MCM7: variants seen among roughly 807,000 people sequenced by gnomAD.
The protein encoded by MCM7 is minichromosome maintenance complex component 7, also known as DNA replication licensing factor MCM7.
Under a neutral mutation model 83.5 loss-of-function variants are expected in MCM7, and 95 were observed. That is an observed-to-expected ratio of 1.14 (90% CI 0.96 to 1.35). The LOEUF (loss-of-function observed/expected upper bound fraction) is 1.35, where lower values mean the gene tolerates loss of function less well. Ranked by LOEUF, MCM7 falls within the 40% of genes most tolerant of loss-of-function variation. The pLI is 0.00. For missense variants in MCM7, 1,087 were observed against 957.4 expected (o/e 1.14, Z -1.79); for synonymous variants, 461 against 352.7 (o/e 1.31, Z -3.44).
chr7:100,093,519 C>T (rs968451489), intron 13 of MCM7, 118 bp from the exon 14 acceptor site: 2 of 918,444 alleles, frequency 2.2e-6, no homozygotes, highest in African/African-American at 3.3e-5. Flanking sequence ...ACTCACAAAA[C>T]AGGAGTGGAA....
At chr7:100,094,384 G>A in intron 12 of MCM7, 43 bp from the exon 13 acceptor site, 1 of 1,609,950 alleles carries the variant, frequency 6.2e-7, no homozygotes, top group South Asian at 1.1e-5. Context: ...GGGAGATGGG[G>A]AAGGGAGTGA....
At chr7:100,099,969 T>G in intron 2 of MCM7, 45 bp downstream of exon 2, 2 of 1,556,264 alleles carry the variant, frequency 1.3e-6, no homozygotes, top group South Asian at 1.1e-5. Context: ...TTATGGCTCC[T>G]TAAGCACCCC....
At chr7:100,099,801 C>T in intron 2 of MCM7, 48 bp from the exon 3 acceptor site, 5 of 1,605,574 alleles carry the variant, frequency 3.1e-6, no homozygotes, top group Non-Finnish European at 4.3e-6. Context: ...ATTCACTTTG[C>T]TCACCAGTGT....
intron 2 of MCM7, 57 bp downstream of exon 2, chr7:100,099,957 G>T (rs1228698615): frequency 1.3e-6 from 2 of 1,516,334 alleles, no homozygotes; most frequent in South Asian, 1.1e-5. Context: ...CCAAGCTGCT[G>T]CTTATGGCTC....
chr7:100,099,483 GTGCCC>G, intron 3 of MCM7, 80 bp from the exon 4 acceptor site: 1 of 1,577,840 alleles, frequency 6.3e-7, no homozygotes, highest in Non-Finnish European at 8.6e-7. Context: ...CCAGGCAGAA[GTGCCC>G]CTCCTTTCTG....
rs1238959231 is a variant in MCM7 at position 100,097,353 on chromosome 7, A to G, written c.1149T>C (p.Pro383=). 2 of 1,614,170 alleles carry G rather than the reference A, an allele frequency of 1.2e-6. No individual in the cohort carries two copies. Among genetic ancestry groups the G allele is most frequent in the Non-Finnish European group, 1.7e-6 (2 of 1,180,024 alleles). ...ACAGGAGCTGAGACTTGGCCACACC[A>G]GGATCCCCCATCAGACAGATGTTGA... ...GNINICLMGD[P]GVAKSQLLSY... Residue 383 remains proline, a synonymous_variant, in exon 10 of 15, where the codon CCT becomes CCC. Transcript: ENST00000303887.
At chr7:100,097,438 C>A in intron 9 of MCM7, 54 bp from the exon 10 acceptor site, 6 of 1,600,014 alleles carry the variant, frequency 3.7e-6, no homozygotes, top group South Asian at 1.1e-5. Context: ...GCTTGGCCAA[C>A]AACAGAGCAA....
At chr7:100,093,512 C>G (rs767471812) in intron 13 of MCM7, 111 bp from the exon 14 acceptor site, 7 of 968,384 alleles carry the variant, frequency 7.2e-6, no homozygotes, top group African/African-American at 3.2e-5. Flanking sequence ...GTCGCCTACT[C>G]ACAAAACAGG....
At chr7:100,094,106 G>T in intron 13 of MCM7, 67 bp downstream of exon 13, 2 of 1,600,324 alleles carry the variant, frequency 1.2e-6, no homozygotes, top group South Asian at 2.2e-5. Flanking sequence ...GCGGCAATGA[G>T]AGCACGGTAA....
intron 10 of MCM7, among the ~76,000 whole-genome samples, chr7:100,096,478 CTT>C (rs372744292): frequency 1.3e-5 from 2 of 152,284 alleles, no homozygotes; most frequent in African/African-American, 4.8e-5. Context: ...ATTTTTAAAA[CTT>C]TTTAGTAGAG....
intron 13 of MCM7, chr7:100,093,943 A>C: frequency 1.4e-6 from 1 of 712,540 alleles, no homozygotes; most frequent in Non-Finnish European, 2.6e-6. Context: ...CTCTCAGTGA[A>C]GGTTAAGAAG....
intron 5 of MCM7, 94 bp from the exon 6 acceptor site, chr7:100,098,809 C>T: frequency 6.5e-7 from 1 of 1,527,252 alleles, no homozygotes. Flanking sequence ...TCATGGCAGA[C>T]ATCTTGTAAG....
intron 14 of MCM7, 49 bp downstream of exon 14, chr7:100,093,243 G>C (rs1321591181): frequency 3.8e-6 from 6 of 1,595,690 alleles, no homozygotes; most frequent in Non-Finnish European, 5.1e-6. Flanking sequence ...CAGACACATG[G>C]CCACAGAAGA....
Position 100,101,376 on chromosome 7 carries a change from C to G in MCM7, c.-82G>C. 1 of 1,584,786 alleles carries G rather than the reference C, an allele frequency of 6.3e-7. No homozygotes were observed. Among genetic ancestry groups the G allele is most frequent in the Non-Finnish European group, 8.6e-7 (1 of 1,160,492 alleles). On this transcript the variant is annotated 5_prime_UTR_variant, in exon 1 of 15. Transcript: ENST00000303887. ...AAGCTGAGAATCTCCGCGCGGTGGA[C>G]TGTGGCCGGCCAACCGAAATTGGCG...
rs963507478 is a variant in MCM7, at chr7:100,095,469, A to G, written c.1597T>C (p.Leu533=). ...TGCACATAGGTGATGTGCTGGGCCA[A>G]CCTGGACAGAGGGAAGGTTAGAAGG... ...DRPDRDNDLR[L]AQHITYVHQH... Residue 533 remains leucine (L), a splice_region_variant and synonymous_variant, in exon 12 of 15, where the codon TTG becomes CTG. Coordinates refer to ENST00000303887, the MANE Select transcript of MCM7 (RefSeq NM_005916.5). 2 of 1,613,894 alleles carry G rather than the reference A, an allele frequency of 1.2e-6. No homozygotes were observed. Among genetic ancestry groups the G allele is most frequent in the South Asian group, 1.1e-5 (1 of 91,028 alleles).
Position 100,097,815 on chromosome 7 carries a change from T to C in MCM7, c.985+19A>G. 4 of 1,614,034 alleles carry C rather than the reference T, an allele frequency of 2.5e-6. 1 individual carries two copies. In the South Asian group the frequency reaches 4.4e-5, roughly 18 times the overall value. Reference sequence around the variant, plus strand: ...GCTAGGATGTAAACGGAATTTCCTCTCTCTCCCCTGCCCCTCACCTGCAAT... The same window carrying C: ...GCTAGGATGTAAACGGAATTTCCTCCCTCTCCCCTGCCCCTCACCTGCAAT... On this transcript the variant is annotated intron_variant, in intron 8 of 14. Transcript: ENST00000303887.
chr7:100,098,656 G>C lies in MCM7; in HGVS notation c.642C>G (p.Asn214Lys). The stretch of plus-strand genomic sequence containing the variant: ...GCAGATACAGCCGCCCTCCTGAGCG[G>C]TTGGTTTGGCACTCCTGGCTTGGGC... ...IMCPSQECQT[N>K]RSGGRLYLQT... The change falls in exon 6 of 15, where the codon AAC becomes AAG. Residue 214 changes from asparagine to lysine, a missense_variant. Transcript: ENST00000303887. The C allele has an allele frequency of 6.2e-7, 1 of 1,614,160 alleles. No individual in the cohort carries two copies. Among genetic ancestry groups the C allele is most frequent in the Non-Finnish European group, 8.5e-7 (1 of 1,180,042 alleles).
chr7:100,097,794 G>A, intron 8 of MCM7, 40 bp downstream of exon 8: 2 of 1,613,972 alleles, frequency 1.2e-6, no homozygotes, highest in East Asian at 2.2e-5. Flanking sequence ...AAGGGAGCTA[G>A]GATGTAAACG....
chr7:100,100,714 C>T (rs1795953375), intron 1 of MCM7: 1 of 989,338 alleles, frequency 1.0e-6, no homozygotes, highest in Non-Finnish European at 1.2e-6. Flanking sequence ...GGCCGCAGCT[C>T]TCTCCGCGGC....
Sources: gnomAD v4.1 joint callset for allele counts (sites outside exome capture counted in the v4.1 genomes callset) on GRCh38, gnomAD v4.1.1 for gene constraint, MANE v1.5 for transcripts, NCBI Gene and HGNC (gene_info 2026-07-23, HGNC 2026-07-21) for gene names.